Variants in TNFRSF11B observed in about 807,000 individuals in gnomAD.
TNFRSF11B encodes tumor necrosis factor receptor superfamily member 11B.
TNFRSF11B carries 16 observed loss-of-function variants against 43.4 expected under a neutral mutation model. The observed-to-expected ratio is 0.37, with a 90% CI of 0.25 to 0.56. The LOEUF is 0.56. Among genes scored for constraint, TNFRSF11B ranks in the 20% least tolerant of loss-of-function variants. The pLI, the probability that TNFRSF11B is intolerant of heterozygous loss-of-function variation, is 0.80. For synonymous variants in TNFRSF11B, 185 were observed against 181.8 expected (o/e 1.02, Z -0.14); for missense variants, 444 against 490.1 (o/e 0.91, Z 0.89).
At chr8:118,936,212 C>G (rs11573887) in intron 1 of TNFRSF11B, among the ~76,000 whole-genome samples, 2,387 of 152,130 alleles carry the variant, frequency 0.016, 61 homozygotes, top group African/African-American at 0.055. Flanking sequence ...ATAAGGTCAA[C>G]TTAAGAATTA....
chr8:118,928,539 T>C (rs1017117072), intron 3 of TNFRSF11B, among the ~76,000 whole-genome samples, 199 bp downstream of exon 3: 4 of 152,212 alleles, frequency 2.6e-5, no homozygotes, highest in African/African-American at 7.2e-5. Flanking sequence ...TGAGGTGTTA[T>C]CTGTGAGAAG....
intron 2 of TNFRSF11B, among the ~76,000 whole-genome samples, chr8:118,932,053 A>C (rs755722574): frequency 3.3e-5 from 5 of 152,214 alleles, no homozygotes; most frequent in African/African-American, 9.7e-5. Context: ...ATTTCTTAAA[A>C]TATCAGCAGG....
chr8:118,929,055 T>C, intron 2 of TNFRSF11B, 126 bp from the exon 3 acceptor site: 1 of 831,938 alleles, frequency 1.2e-6, no homozygotes, highest in Non-Finnish European at 1.9e-6. Context: ...TGCACAAAAC[T>C]CTAGCATTTT....
chr8:118,946,858 A>T (rs993645523), intron 1 of TNFRSF11B, among the ~76,000 whole-genome samples: 3 of 152,178 alleles, frequency 2.0e-5, no homozygotes, highest in African/African-American at 7.2e-5. Flanking sequence ...GACATGTTAC[A>T]AACACATAAA....
chr8:118,926,334 C>A (rs1812243238), intron 4 of TNFRSF11B, among the ~76,000 whole-genome samples, 160 bp downstream of exon 4: 1 of 152,174 alleles, frequency 6.6e-6, no homozygotes, highest in Non-Finnish European at 1.5e-5. Context: ...TTTGGAATCA[C>A]ATCTACATTA....
Position 118,926,664 on chromosome 8 carries a change from G to C in TNFRSF11B, c.647C>G (p.Thr216Arg), listed in dbSNP as rs773538970. 1.2e-6 allele frequency: 2 copies of C among 1,613,936 alleles called. No individual in the cohort carries two copies. The highest frequency in any genetic ancestry group is 2.7e-5 in the African/African-American group (2 of 74,912). Reference sequence around the variant, plus strand: ...TACCAAGACACTAAGCCAGTTAGGCGTAAACTTTGTAGGAACAGCAAACCT... The same window carrying C: ...TACCAAGACACTAAGCCAGTTAGGCCTAAACTTTGTAGGAACAGCAAACCT... ...FFRFAVPTKF[T>R]PNWLSVLVDN... Residue 216 changes from threonine (T) to arginine (R), a missense_variant, in exon 4 of 5, where the codon ACG becomes AGG. Transcript: ENST00000297350.
rs746821871 is a variant in TNFRSF11B at position 118,951,845 on chromosome 8, G to A, written c.-24C>T. 7 of 1,579,050 alleles carry A rather than the reference G, an allele frequency of 4.4e-6. No individual in the cohort carries two copies. The highest frequency in any genetic ancestry group is 3.6e-5 in the Admixed American group (2 of 55,860). On this transcript the variant is annotated 5_prime_UTR_variant, in exon 1 of 5. Transcript: ENST00000297350. Reference sequence around the variant, plus strand: ...ATTGTGGTCCCCGGAAACCTCAGGGGCTTGGAGGCGGCGGCTGGGCGAGCG... The same window carrying A: ...ATTGTGGTCCCCGGAAACCTCAGGGACTTGGAGGCGGCGGCTGGGCGAGCG...
chr8:118,942,876 C>A (rs1812507955), intron 1 of TNFRSF11B, among the ~76,000 whole-genome samples: 1 of 152,110 alleles, frequency 6.6e-6, no homozygotes, highest in Non-Finnish European at 1.5e-5. Context: ...TCAACTGCAA[C>A]ACAAAACTCA....
At chr8:118,925,964 CTT>C (rs1379595138) in intron 4 of TNFRSF11B, among the ~76,000 whole-genome samples, 2 of 152,202 alleles carry the variant, frequency 1.3e-5, no homozygotes, top group East Asian at 1.9e-4. Context: ...GGCTCAAACA[CTT>C]TTCAGATTTT....
At chr8:118,945,621 G>A (rs1476297320) in intron 1 of TNFRSF11B, among the ~76,000 whole-genome samples, 1 of 152,128 alleles carries the variant, frequency 6.6e-6, no homozygotes, top group Admixed American at 6.6e-5. Flanking sequence ...GGTGATGGTG[G>A]TGGTGGTGAA....
chr8:118,941,535 A>G (rs946202828), intron 1 of TNFRSF11B, among the ~76,000 whole-genome samples: 1 of 152,140 alleles, frequency 6.6e-6, no homozygotes, highest in Non-Finnish European at 1.5e-5. Context: ...TTTAACTTTC[A>G]GTGTAATTTT....
At chr8:118,941,247 TTATC>T (rs1218601055) in intron 1 of TNFRSF11B, among the ~76,000 whole-genome samples, 1 of 152,160 alleles carries the variant, frequency 6.6e-6, no homozygotes, top group Non-Finnish European at 1.5e-5. Flanking sequence ...TGGGAGAAGT[TTATC>T]TACTGCTGCC....
intron 1 of TNFRSF11B, among the ~76,000 whole-genome samples, chr8:118,951,070 C>T (rs1218700439): frequency 1.3e-5 from 2 of 152,122 alleles, no homozygotes; most frequent in East Asian, 1.9e-4. Flanking sequence ...AGCTAAGTCA[C>T]AGAGATTCCT....
chr8:118,927,163 C>T (rs1378129163), intron 3 of TNFRSF11B, among the ~76,000 whole-genome samples: 1 of 152,140 alleles, frequency 6.6e-6, no homozygotes, highest in Non-Finnish European at 1.5e-5. Context: ...CACATTTAGA[C>T]ACATAGTTTA....
Position 118,928,802 on chromosome 8 carries a change from T to C in TNFRSF11B, c.528A>G (p.Lys176=), listed in dbSNP as rs200748751. 1 of 1,614,244 alleles carries C rather than the reference T, an allele frequency of 6.2e-7. No homozygotes were observed. Among genetic ancestry groups the C allele is most frequent in the Non-Finnish European group, 8.5e-7 (1 of 1,180,048 alleles). ...ATATGTTGTCGTGTGTTGCATTTCC[T>C]TTCTGAGTTAGCAGGAGACCAAAGA... ...CSVFGLLLTQ[K]GNATHDNICS... Residue 176 remains lysine (K), a synonymous_variant, in exon 3 of 5, where the codon AAA becomes AAG. Transcript: ENST00000297350.
At chr8:118,938,448 T>C (rs1391420396) in intron 1 of TNFRSF11B, among the ~76,000 whole-genome samples, 1 of 152,220 alleles carries the variant, frequency 6.6e-6, no homozygotes, top group African/African-American at 2.4e-5. Context: ...GTAATTAACT[T>C]GTTTCACATC....
chr8:118,924,814 A>T (rs1266616519), intron 4 of TNFRSF11B, 52 bp from the exon 5 acceptor site: 3 of 1,610,654 alleles, frequency 1.9e-6, no homozygotes, highest in Middle Eastern at 1.6e-4. Context: ...TATTCATCCA[A>T]TGCCATCATA....
intron 3 of TNFRSF11B, 59 bp downstream of exon 3, chr8:118,928,679 C>G: frequency 6.5e-7 from 1 of 1,546,436 alleles, no homozygotes; most frequent in South Asian, 1.1e-5. Flanking sequence ...TTGTGTTCAA[C>G]TCAGAGAGAG....
intron 4 of TNFRSF11B, among the ~76,000 whole-genome samples, chr8:118,925,886 A>G (rs942094686): frequency 3.3e-5 from 5 of 152,182 alleles, no homozygotes; most frequent in Non-Finnish European, 7.3e-5. Flanking sequence ...CCATTTCTAA[A>G]GGAGAATCTT....
Sources: gnomAD v4.1 joint callset for allele counts (sites outside exome capture counted in the v4.1 genomes callset) on GRCh38, gnomAD v4.1.1 for gene constraint, MANE v1.5 for transcripts, NCBI Gene and HGNC (gene_info 2026-07-23, HGNC 2026-07-21) for gene names.